FYN: variants seen among roughly 807,000 people sequenced by gnomAD.
FYN encodes the protein FYN proto-oncogene, Src family tyrosine kinase.
Under a neutral mutation model 70.2 loss-of-function variants are expected in FYN, and 10 were observed. The ratio of observed to expected loss-of-function variants is 0.14; its 90% confidence interval spans 0.09 to 0.24. The LOEUF (loss-of-function observed/expected upper bound fraction) is 0.24, where lower values mean the gene tolerates loss of function less well. Among genes scored for constraint, FYN ranks in the 10% least tolerant of loss-of-function variants. The probability of loss-of-function intolerance (pLI) is 1.00; values close to 1 mark genes in which losing one functional copy is unlikely to be tolerated. For synonymous variants in FYN, 236 were observed against 248.6 expected, an observed-to-expected ratio of 0.95 and a Z score of 0.48; for missense variants, 319 against 673.1, an observed-to-expected ratio of 0.47 and a Z score of 5.82.
intron 1 of FYN, among the ~76,000 whole-genome samples, chr6:111,865,906 C>A (rs961786521): frequency 3.9e-5 from 6 of 152,218 alleles, no homozygotes; most frequent in African/African-American, 1.2e-4. Context: ...GAAGGTGCTG[C>A]ATTTCTTACT....
intron 1 of FYN, among the ~76,000 whole-genome samples, chr6:111,847,352 C>T (rs761909310): frequency 3.3e-5 from 5 of 152,206 alleles, no homozygotes; most frequent in African/African-American, 9.6e-5. Context: ...TTTGCTCACA[C>T]GCTGTGCCTA....
At chr6:111,793,724 G>C (rs946029361) in intron 2 of FYN, 3 of 152,378 alleles carry the variant, frequency 2.0e-5, no homozygotes, top group Admixed American at 2.0e-4. Context: ...GGGGCAGCTT[G>C]ACCTCCGGCT....
chr6:111,697,920 A>G (rs1241648105), intron 9 of FYN, among the ~76,000 whole-genome samples: 1 of 152,202 alleles, frequency 6.6e-6, no homozygotes, highest in Non-Finnish European at 1.5e-5. Context: ...AATGAGGAAG[A>G]AGGAGGTCAT....
At chr6:111,674,881 T>A (rs892462117) in intron 12 of FYN, among the ~76,000 whole-genome samples, 2 of 152,158 alleles carry the variant, frequency 1.3e-5, no homozygotes, top group African/African-American at 4.8e-5. Flanking sequence ...TGGTTTCTTA[T>A]GATTTAGGAA....
intron 3 of FYN, among the ~76,000 whole-genome samples, chr6:111,770,694 G>A (rs895179255): frequency 1.3e-5 from 2 of 152,130 alleles, no homozygotes; most frequent in Non-Finnish European, 2.9e-5. Flanking sequence ...CATAGTGCTG[G>A]CATCTGCTCA....
At chr6:111,857,951 T>C (rs1245419179) in intron 1 of FYN, among the ~76,000 whole-genome samples, 1 of 152,186 alleles carries the variant, frequency 6.6e-6, no homozygotes, top group Non-Finnish European at 1.5e-5. Flanking sequence ...TTGGCTGATG[T>C]AGCTGGTCAA....
Position 111,694,766 on chromosome 6 carries a change from G to C in FYN, c.1043-62C>G, listed in dbSNP as rs1799502578. The C allele has an allele frequency of 1.4e-6, 2 of 1,426,846 alleles. No individual in the cohort carries two copies. The highest frequency in any genetic ancestry group is 3.8e-5 in the Admixed American group (2 of 52,444). 88.4% of individuals were successfully genotyped at this position (1,426,846 alleles called of 1,614,324 possible). On this transcript the variant is annotated intron_variant, in intron 10 of 13. Transcript: ENST00000354650. This position sits in a 1 kb window ranked among gnomAD's most constrained non-coding sequence, Gnocchi z 5.0. ...GAAAGATAATTCCCAACAGAGAGCTGTATTTGGTTTTCTTATTAAAAGTAA... is the reference window on the plus strand; with the variant it reads ...GAAAGATAATTCCCAACAGAGAGCTCTATTTGGTTTTCTTATTAAAAGTAA...
At chr6:111,765,340 G>C (rs1057348106) in intron 3 of FYN, among the ~76,000 whole-genome samples, 2 of 152,108 alleles carry the variant, frequency 1.3e-5, no homozygotes, top group African/African-American at 4.8e-5. Flanking sequence ...TGATCCAATA[G>C]GGCTGGTCTT....
At chr6:111,699,669 C>G (rs767209256) in intron 9 of FYN, 12 of 1,612,508 alleles carry the variant, frequency 7.4e-6, no homozygotes, top group Non-Finnish European at 1.0e-5. Context: ...CATCAGCTTT[C>G]TCTACAGGAA....
intron 9 of FYN, 65 bp from the exon 10 acceptor site, chr6:111,696,521 C>T (rs942021068): frequency 7.6e-6 from 10 of 1,316,612 alleles, no homozygotes; most frequent in Non-Finnish European, 9.3e-6. Context: ...AGGTTTTGAC[C>T]ACCAGCTATT....
intron 5 of FYN, among the ~76,000 whole-genome samples, chr6:111,711,550 A>G (rs1800379828): frequency 6.6e-6 from 1 of 152,176 alleles, no homozygotes; most frequent in Non-Finnish European, 1.5e-5. Context: ...ACATACATAC[A>G]TGCACATCCC....
intron 2 of FYN, among the ~76,000 whole-genome samples, chr6:111,840,191 C>G (rs1447133057): frequency 6.6e-6 from 1 of 152,132 alleles, no homozygotes; most frequent in Non-Finnish European, 1.5e-5. Context: ...GTATGTTAGG[C>G]AGAAAATGCC....
chr6:111,808,719 C>G (rs1772230866), intron 2 of FYN, among the ~76,000 whole-genome samples: 2 of 152,186 alleles, frequency 1.3e-5, no homozygotes, highest in Admixed American at 6.5e-5. Flanking sequence ...CAGGGAGTGT[C>G]AAACCCTCAC....
chr6:111,846,477 T>TA (rs1410553085), intron 2 of FYN, 112 bp downstream of exon 2: 4 of 398,326 alleles, frequency 1.0e-5, no homozygotes, highest in African/African-American at 8.2e-5. Flanking sequence ...TAGAAATCTA[T>TA]GGACTCAGAA....
intron 3 of FYN, among the ~76,000 whole-genome samples, chr6:111,762,869 G>A (rs559181737): frequency 6.6e-6 from 1 of 151,832 alleles, no homozygotes; most frequent in African/African-American, 2.4e-5. Flanking sequence ...AAAAGTCCTC[G>A]CATTCAAATG....
chr6:111,706,027 C>A (rs1800074310), intron 6 of FYN, among the ~76,000 whole-genome samples: 1 of 152,142 alleles, frequency 6.6e-6, no homozygotes, highest in African/African-American at 2.4e-5. Flanking sequence ...AAAAAGCATG[C>A]CCTTAAAATG....
At chr6:111,695,841 G>A (rs967120897) in intron 10 of FYN, among the ~76,000 whole-genome samples, 11 of 151,996 alleles carry the variant, frequency 7.2e-5, no homozygotes, top group Non-Finnish European at 1.3e-4. Flanking sequence ...GAAGAGAGCT[G>A]GAAATAAAAA....
chr6:111,821,506 T>A (rs1218749706), intron 2 of FYN, among the ~76,000 whole-genome samples: 3 of 152,150 alleles, frequency 2.0e-5, no homozygotes, highest in Non-Finnish European at 4.4e-5. Context: ...AAGACTTACA[T>A]GTTAGACCTA....
At chr6:111,678,662 G>A (rs1007450875) in intron 12 of FYN, among the ~76,000 whole-genome samples, 5 of 152,088 alleles carry the variant, frequency 3.3e-5, no homozygotes, top group African/African-American at 1.2e-4. Context: ...ACAAGTCAGT[G>A]CCCCTCAAAT....
Sources: gnomAD v4.1 joint callset for allele counts (sites outside exome capture counted in the v4.1 genomes callset) on GRCh38, gnomAD v4.1.1 for gene constraint, Gnocchi (gnomAD v3.1) non-coding constraint, MANE v1.5 for transcripts, NCBI Gene and HGNC (gene_info 2026-07-23, HGNC 2026-07-21) for gene names.